HELLS: variants seen among roughly 807,000 people sequenced by gnomAD.
The protein encoded by HELLS is helicase, lymphoid specific.
A neutral mutation model predicts 120.0 loss-of-function variants in HELLS; 32 were observed. The observed-to-expected ratio is 0.27, with a 90% confidence interval of 0.20 to 0.36. HELLS has a LOEUF of 0.36. Ranked by LOEUF, HELLS falls within the 10% of genes least tolerant of loss-of-function variation. HELLS has a pLI of 1.00. For synonymous variants in HELLS, 341 were observed against 323.4 expected (o/e 1.05, Z -0.58); for missense variants, 650 against 993.4 (o/e 0.65, Z 4.65).
intron 12 of HELLS, among the ~76,000 whole-genome samples, 184 bp downstream of exon 12, chr10:94,583,243 C>T (rs553302147): frequency 2.0e-5 from 3 of 152,094 alleles, no homozygotes; most frequent in Non-Finnish European, 4.4e-5. Flanking sequence ...AACTCAAGTG[C>T]TTACCTAAGT....
intron 9 of HELLS, among the ~76,000 whole-genome samples, chr10:94,575,746 T>G (rs1844413923): frequency 3.6e-5 from 2 of 55,032 alleles, no homozygotes; most frequent in East Asian, 7.2e-4. Context: ...TATTTGTAGG[T>G]TTTTTGTTGG....
chr10:94,566,802 G>A (rs990683147), intron 6 of HELLS, among the ~76,000 whole-genome samples: 3 of 151,836 alleles, frequency 2.0e-5, no homozygotes, highest in Non-Finnish European at 2.9e-5. Flanking sequence ...CTACAGGCAC[G>A]TGCCACCACG....
intron 3 of HELLS, among the ~76,000 whole-genome samples, chr10:94,556,835 T>C (rs777995769): frequency 1.7e-4 from 24 of 144,056 alleles, no homozygotes; most frequent in Non-Finnish European, 2.9e-4. Flanking sequence ...TCCTAGCTTA[T>C]GTTGTTTCTG....
At chr10:94,566,503 G>A (rs758521691) in intron 6 of HELLS, among the ~76,000 whole-genome samples, 1 of 152,148 alleles carries the variant, frequency 6.6e-6, no homozygotes, top group African/African-American at 2.4e-5. Flanking sequence ...TGAAGCTGTC[G>A]ATGTAAGCAT....
In HELLS at chr10:94,592,418, A is replaced by C; in HGVS notation, c.1875A>C (p.Thr625=). 1 of 1,589,596 alleles carries C rather than the reference A, an allele frequency of 6.3e-7. No homozygotes were observed. Among genetic ancestry groups the C allele is most frequent in the Non-Finnish European group, 8.5e-7 (1 of 1,170,300 alleles). ...GHKVLLFSQM[T]SMLDILMDYC... ...AGGTGCTGCTTTTTTCACAAATGAC[A>C]AGCATGTTGGACATTTTGATGGATT... is the stretch of plus-strand genomic sequence containing the variant. Residue 625 remains threonine, a synonymous_variant, in exon 17 of 22, where the codon ACA becomes ACC. Coordinates refer to ENST00000348459, the MANE Select transcript of HELLS (RefSeq NM_018063.5).
downstream of HELLS, among the ~76,000 whole-genome samples, chr10:94,605,227 C>T (rs1232179726): frequency 4.6e-5 from 7 of 151,968 alleles, no homozygotes; most frequent in East Asian, 3.9e-4. Context: ...GAATTACAAG[C>T]GCCCACCACC....
rs1189027788 is a variant in HELLS at position 94,562,822 on chromosome 10, A to G, written c.381A>G (p.Lys127=). 10 of 1,572,204 alleles carry G rather than the reference A, an allele frequency of 6.4e-6. No individual in the cohort carries two copies. The highest frequency in any genetic ancestry group is 7.8e-6 in the Non-Finnish European group (9 of 1,150,944). ...DASEEKPVMR[K]KRGREDESYN... is the part of the protein sequence containing the mutation. ...AATTTTTTTTTATAGTTATGAGGAA[A>G]AAAAGAGGAAGAGAAGATGAATCAT... Residue 127 remains lysine (K), a synonymous_variant, in exon 6 of 22, where the codon AAA becomes AAG. Coordinates refer to ENST00000348459, the MANE Select transcript of HELLS (RefSeq NM_018063.5).
Position 94,554,108 on chromosome 10 carries a change from A to T in HELLS, c.154-18A>T, listed in dbSNP as rs757709828. 3 of 1,549,846 alleles carry T rather than the reference A, an allele frequency of 1.9e-6. No individual in the cohort carries two copies. The highest frequency in any genetic ancestry group is 2.6e-6 in the Non-Finnish European group (3 of 1,158,860). On this transcript the variant is annotated intron_variant, in intron 2 of 21. Transcript: ENST00000348459. Reference sequence around the variant, plus strand: ...GTCAGAAAGTGTTCATAATTATGGAAATTTTCTCTTTGGATAGGCTCGCAT... The same window carrying T: ...GTCAGAAAGTGTTCATAATTATGGATATTTTCTCTTTGGATAGGCTCGCAT...
At chr10:94,600,840 G>T (rs1489841573) in intron 21 of HELLS, among the ~76,000 whole-genome samples, 4 of 152,040 alleles carry the variant, frequency 2.6e-5, no homozygotes, top group African/African-American at 4.8e-5. Flanking sequence ...TAATAGGAAA[G>T]ACTACTATAA....
intron 17 of HELLS, among the ~76,000 whole-genome samples, chr10:94,593,267 CATT>C (rs1207129088): frequency 6.6e-5 from 10 of 152,142 alleles, no homozygotes; most frequent in African/African-American, 2.2e-4. Context: ...CTTATTTAAA[CATT>C]GTTGTGATAC....
At chr10:94,554,677 A>G (rs1338172794) in intron 3 of HELLS, among the ~76,000 whole-genome samples, 2 of 142,538 alleles carry the variant, frequency 1.4e-5, no homozygotes, top group Non-Finnish European at 3.0e-5. Flanking sequence ...TTTAATGCTA[A>G]TGATCAATGG....
At chr10:94,606,213 G>A (rs1349101229), downstream of HELLS, among the ~76,000 whole-genome samples, 1 of 151,784 alleles carries the variant, frequency 6.6e-6, no homozygotes, top group Non-Finnish European at 1.5e-5. Context: ...TTTATGTTGT[G>A]TATCTTATTT....
intron 10 of HELLS, chr10:94,577,642 C>T (rs989453726): frequency 1.3e-5 from 2 of 152,244 alleles, no homozygotes; most frequent in Non-Finnish European, 1.5e-5. Flanking sequence ...AGTATTTAAA[C>T]CAGGCCGGGC....
chr10:94,603,449 T>C (rs936836502), downstream of HELLS, among the ~76,000 whole-genome samples: 22 of 152,216 alleles, frequency 1.4e-4, 1 homozygote, highest in Non-Finnish European at 8.8e-5. Flanking sequence ...TCTGACTCTT[T>C]TCTCAGTTTC....
intron 12 of HELLS, chr10:94,584,127 T>A: frequency 1.5e-6 from 2 of 1,305,320 alleles, no homozygotes; most frequent in Non-Finnish European, 2.0e-6. Flanking sequence ...AATTTTGAGG[T>A]TAGAAGTCCT....
intron 10 of HELLS, among the ~76,000 whole-genome samples, chr10:94,578,741 C>T (rs907295485): frequency 1.3e-5 from 2 of 152,132 alleles, no homozygotes; most frequent in African/African-American, 4.8e-5. Flanking sequence ...AGTGGTAGCC[C>T]TGAGCTTGTT....
intron 12 of HELLS, among the ~76,000 whole-genome samples, chr10:94,585,075 A>G (rs1352611191): frequency 1.3e-5 from 2 of 151,956 alleles, no homozygotes; most frequent in East Asian, 3.9e-4. Context: ...TTTTTTATGC[A>G]ATGTTTACAT....
chr10:94,605,089 T>A (rs1169155443), downstream of HELLS, among the ~76,000 whole-genome samples: 1 of 114,472 alleles, frequency 8.7e-6, no homozygotes, highest in Non-Finnish European at 1.8e-5. Context: ...CCCCCCCTTT[T>A]TTTTTCCTTT....
intron 6 of HELLS, among the ~76,000 whole-genome samples, chr10:94,564,290 G>A (rs1843687705): frequency 6.6e-6 from 1 of 152,182 alleles, no homozygotes; most frequent in Non-Finnish European, 1.5e-5. Flanking sequence ...TGGGGGGAAA[G>A]GGTAGGGTAG....
Sources: gnomAD v4.1 joint callset for allele counts (sites outside exome capture counted in the v4.1 genomes callset) on GRCh38, gnomAD v4.1.1 for gene constraint, MANE v1.5 for transcripts, NCBI Gene and HGNC (gene_info 2026-07-23, HGNC 2026-07-21) for gene names.